AGO2: variants seen among roughly 807,000 people sequenced by gnomAD.
The protein encoded by AGO2 is argonaute RISC catalytic component 2.
A neutral mutation model predicts 102.3 loss-of-function variants in AGO2; 5 were observed. The ratio of observed to expected loss-of-function variants is 0.05; its 90% confidence interval spans 0.03 to 0.10. AGO2 has a LOEUF of 0.10. AGO2 is among the 10% of genes least tolerant of loss of function. The pLI is 1.00. For synonymous variants in AGO2, 449 were observed against 473.1 expected (o/e 0.95, Z 0.66); for missense variants, 541 against 1,183.7 (o/e 0.46, Z 7.97).
intron 14 of AGO2, among the ~76,000 whole-genome samples, chr8:140,543,271 G>A (rs62527843): frequency 0.079 from 12,051 of 152,100 alleles, 628 homozygotes; most frequent in African/African-American, 0.14. Context: ...TGTGATTATC[G>A]GGCCAAGTGG....
chr8:140,633,154 G>T lies in AGO2; in HGVS notation c.22+2331C>A, dbSNP rs143385329. ...TCTCGATCTCTTGACCTCGTGATCCGCCCGCCTTGGCCTCCCAATGTAATT... is the reference window on the plus strand; with the variant it reads ...TCTCGATCTCTTGACCTCGTGATCCTCCCGCCTTGGCCTCCCAATGTAATT... On this transcript the variant is annotated intron_variant, in intron 1 of 18. Transcript: ENST00000220592. Among the ~76,000 whole-genome samples, 1,108 of 152,134 alleles carry T rather than the reference G, an allele frequency of 7.3e-3. 10 individuals carry two copies. The highest frequency in any genetic ancestry group is 0.025 in the African/African-American group (1,025 of 41,506).
Position 140,532,397 on chromosome 8 carries a change from A to G in AGO2, c.2471+19T>C, listed in dbSNP as rs2072614069. ...AAAAACCACCCCTGCTGTGACCTCC[A>G]GCCAGGCATGCCACTCACCTGTCAT... On this transcript the variant is annotated intron_variant, in intron 18 of 18. Coordinates refer to ENST00000220592, the MANE Select transcript of AGO2 (RefSeq NM_012154.5). 1.2e-6 allele frequency: 2 copies of G among 1,604,128 alleles called. No homozygotes were observed. The highest frequency in any genetic ancestry group is 2.7e-5 in the African/African-American group (2 of 74,738).
At chr8:140,615,015 T>A (rs992677874) in intron 1 of AGO2, among the ~76,000 whole-genome samples, 2 of 152,214 alleles carry the variant, frequency 1.3e-5, no homozygotes, top group African/African-American at 4.8e-5. Flanking sequence ...ATATTCATTA[T>A]CCACAGCACA....
chr8:140,631,646 G>C (rs946411552), intron 1 of AGO2, among the ~76,000 whole-genome samples: 1 of 152,230 alleles, frequency 6.6e-6, no homozygotes, highest in Non-Finnish European at 1.5e-5. Flanking sequence ...CCAAATGTGT[G>C]TGTGAACTTT....
intron 6 of AGO2, among the ~76,000 whole-genome samples, chr8:140,558,985 C>A (rs959920545): frequency 3.3e-5 from 5 of 152,164 alleles, no homozygotes; most frequent in East Asian, 1.9e-4. Context: ...GTCCTAGACC[C>A]CCCCCAATCT....
chr8:140,633,341 C>G (rs2074364688), intron 1 of AGO2, among the ~76,000 whole-genome samples: 1 of 152,174 alleles, frequency 6.6e-6, no homozygotes, highest in Non-Finnish European at 1.5e-5. Flanking sequence ...AATTACAGCA[C>G]GTTTGTACAA....
chr8:140,576,087 C>T lies in AGO2; in HGVS notation c.216-3155G>A, dbSNP rs549920615. On this transcript the variant is annotated intron_variant, in intron 2 of 18. Transcript: ENST00000220592. ...TAATCTCAGCACTTTGGGAGGCAGG[C>T]GGATCACTTGGGATCAGGAGTTTGA... is the stretch of plus-strand genomic sequence containing the variant. 1.1e-3 allele frequency among the ~76,000 whole-genome samples: 167 copies of T among 152,156 alleles called. No individual in the cohort carries two copies. The Middle Eastern group carries it at 0.02, about 19-fold the overall frequency.
At chr8:140,538,971 G>A (rs769962431) in intron 16 of AGO2, among the ~76,000 whole-genome samples, 5 of 152,132 alleles carry the variant, frequency 3.3e-5, no homozygotes, top group Non-Finnish European at 7.4e-5. Flanking sequence ...AGGTGTGGTG[G>A]TGCATGCCTT....
At chr8:140,577,069 G>A (rs1160108711) in intron 2 of AGO2, among the ~76,000 whole-genome samples, 15 of 152,060 alleles carry the variant, frequency 9.9e-5, no homozygotes, top group Middle Eastern at 6.8e-3. Flanking sequence ...TTAGCTGGAC[G>A]TGGTGGCGGG....
At chr8:140,611,431 G>C (rs1301472140) in intron 1 of AGO2, among the ~76,000 whole-genome samples, 1 of 151,820 alleles carries the variant, frequency 6.6e-6, no homozygotes, top group Non-Finnish European at 1.5e-5. Flanking sequence ...AGGTTGAAGC[G>C]ATTCTCCTCC....
chr8:140,564,456 C>G (rs868322737), intron 3 of AGO2, among the ~76,000 whole-genome samples: 1 of 152,156 alleles, frequency 6.6e-6, no homozygotes, highest in South Asian at 2.1e-4. Flanking sequence ...ACTACGCAAG[C>G]GGAGTTATAT....
At chr8:140,641,875 G>T in the AGO2 span, among the ~76,000 whole-genome samples, 1 of 152,236 alleles carries the variant, frequency 6.6e-6, no homozygotes, top group East Asian at 1.9e-4. Flanking sequence ...TGGCCTAAAA[G>T]TAAAATTTAA....
At chr8:140,635,975 G>T (rs571563393), upstream of AGO2, among the ~76,000 whole-genome samples, 1 of 150,118 alleles carries the variant, frequency 6.7e-6, no homozygotes, top group Admixed American at 6.6e-5. Flanking sequence ...ACCCAGAGAA[G>T]CCGCGTCTTC....
At chr8:140,558,349 G>T in intron 7 of AGO2, 136 bp downstream of exon 7, 2 of 901,566 alleles carry the variant, frequency 2.2e-6, no homozygotes, top group Non-Finnish European at 3.6e-6. Context: ...CCATGTAAGG[G>T]ACAATTTTGG....
At position 140,567,792 on chromosome 8, in the gene AGO2, T is replaced by C. The variant is rs2073311126; in HGVS notation, c.336+5020A>G. On this transcript the variant is annotated intron_variant, in intron 3 of 18. Transcript: ENST00000220592. This position sits in a 1 kb window ranked among gnomAD's most constrained non-coding sequence, Gnocchi z 5.0. ...GTCATGGGGTGATTCCTCTTTGGGG[T>C]CGTCACACAACTCAGCAACAAAGGG... Among the ~76,000 whole-genome samples, 1 of 151,780 alleles carries C rather than the reference T, an allele frequency of 6.6e-6. No individual in the cohort carries two copies. The highest frequency in any genetic ancestry group is 2.4e-5 in the African/African-American group (1 of 41,292).
Position 140,538,476 on chromosome 8 carries a change from G to A in AGO2, c.2169+844C>T, listed in dbSNP as rs867347010. Among the ~76,000 whole-genome samples, 112 of 152,268 alleles carry A rather than the reference G, an allele frequency of 7.4e-4. 1 individual carries two copies. Among genetic ancestry groups the A allele is most frequent in the African/African-American group, 2.6e-3 (107 of 41,544 alleles). On this transcript the variant is annotated intron_variant, in intron 16 of 18. Coordinates refer to ENST00000220592, the MANE Select transcript of AGO2 (RefSeq NM_012154.5). The stretch of plus-strand genomic sequence containing the variant: ...GAATACGGAAAACACTTTTAACCTG[G>A]GTCTCCTGCCTTTCGTCAGCTGTGG...
At chr8:140,534,139 C>T (rs527896207) in intron 17 of AGO2, among the ~76,000 whole-genome samples, 1 of 152,344 alleles carries the variant, frequency 6.6e-6, no homozygotes, top group East Asian at 1.9e-4. Context: ...TGCTCCGGCA[C>T]CCCTTTCCTG....
chr8:140,556,122 C>T (rs376865672), intron 9 of AGO2, 45 bp downstream of exon 9: 678 of 1,611,752 alleles, frequency 4.2e-4, no homozygotes, highest in African/African-American at 2.1e-3. Flanking sequence ...CCAGGGCAAC[C>T]GGACTGGATT....
the AGO2 span, among the ~76,000 whole-genome samples, chr8:140,641,125 T>C: frequency 6.6e-6 from 1 of 152,092 alleles, no homozygotes; most frequent in Non-Finnish European, 1.5e-5. Flanking sequence ...GGACCCTATC[T>C]CTACAAAAAA....
Sources: allele counts gnomAD v4.1 joint callset (sites outside exome capture counted in the v4.1 genomes callset), GRCh38; gene constraint gnomAD v4.1.1; non-coding constraint Gnocchi (gnomAD v3.1); transcripts MANE v1.5; gene names NCBI Gene and HGNC (gene_info 2026-07-23, HGNC 2026-07-21).